The following APBB2 variants were observed in gnomAD, a reference collection of about 807,000 sequenced individuals.
APBB2 encodes amyloid beta precursor protein binding family B member 2, also known as Fe65-like 1.
APBB2 carries 38 observed loss-of-function variants against 82.5 expected under a neutral mutation model. The observed-to-expected ratio is 0.46, with a 90% CI of 0.36 to 0.60. The LOEUF is 0.60. APBB2 is among the 20% of genes least tolerant of loss of function. APBB2 has a pLI of 0.00. For synonymous variants in APBB2, 341 were observed against 368.2 expected, an observed-to-expected ratio of 0.93 and a Z score of 0.85; for missense variants, 772 against 972.3, an observed-to-expected ratio of 0.79 and a Z score of 2.74.
chr4:41,025,165 G>A (rs1713456448), intron 5 of APBB2, among the ~76,000 whole-genome samples: 1 of 151,886 alleles, frequency 6.6e-6, no homozygotes, highest in Non-Finnish European at 1.5e-5. Flanking sequence ...AACCCTATAA[G>A]GAACTTAATT....
intron 6 of APBB2, among the ~76,000 whole-genome samples, chr4:40,963,317 G>A (rs775720531): frequency 1.4e-4 from 21 of 151,942 alleles, no homozygotes; most frequent in Non-Finnish European, 2.9e-4. Context: ...CACAAACATG[G>A]CTCACTGCAG....
intron 3 of APBB2, among the ~76,000 whole-genome samples, chr4:41,076,399 G>A (rs1735661330): frequency 6.6e-6 from 1 of 152,156 alleles, no homozygotes; most frequent in Non-Finnish European, 1.5e-5. Flanking sequence ...GGTTAAGCTT[G>A]AGAAGATCTG....
At chr4:40,898,342 C>T (rs747190813) in intron 10 of APBB2, among the ~76,000 whole-genome samples, 12 of 152,232 alleles carry the variant, frequency 7.9e-5, no homozygotes, top group Non-Finnish European at 1.8e-4. Context: ...CAGCTCACTG[C>T]AACCTCCGTC....
At chr4:41,126,997 C>G (rs1169075641) in intron 2 of APBB2, among the ~76,000 whole-genome samples, 1 of 152,176 alleles carries the variant, frequency 6.6e-6, no homozygotes, top group East Asian at 1.9e-4. Flanking sequence ...GTCCATAACA[C>G]TGTTGGAATC....
chr4:40,862,988 C>G (rs935391157), intron 12 of APBB2, among the ~76,000 whole-genome samples: 2 of 152,004 alleles, frequency 1.3e-5, no homozygotes, highest in African/African-American at 2.4e-5. Flanking sequence ...GTTCAGGGGG[C>G]TGTACATTGA....
chr4:41,030,336 A>G (rs1716251751), intron 5 of APBB2, among the ~76,000 whole-genome samples: 1 of 152,222 alleles, frequency 6.6e-6, no homozygotes, highest in African/African-American at 2.4e-5. Flanking sequence ...GTAAGAATTA[A>G]GACCTTTGGA....
chr4:41,003,944 C>T (rs1303654139), intron 6 of APBB2, among the ~76,000 whole-genome samples: 3 of 152,194 alleles, frequency 2.0e-5, no homozygotes, highest in African/African-American at 4.8e-5. Context: ...AACTCCTGAC[C>T]TCAGGTGATC....
At chr4:40,985,040 C>T (rs1441419635) in intron 6 of APBB2, among the ~76,000 whole-genome samples, 2 of 151,854 alleles carry the variant, frequency 1.3e-5, no homozygotes, top group East Asian at 3.9e-4. Flanking sequence ...CTCATCTCAA[C>T]CTCTCAAGTA....
chr4:41,009,532 T>C (rs1579209210), intron 6 of APBB2, among the ~76,000 whole-genome samples: 1 of 152,340 alleles, frequency 6.6e-6, no homozygotes, highest in East Asian at 1.9e-4. Flanking sequence ...GGTTAGCCAT[T>C]GCATTTTATT....
chr4:40,834,994 A>G (rs1753377751), intron 12 of APBB2, among the ~76,000 whole-genome samples: 1 of 152,240 alleles, frequency 6.6e-6, no homozygotes, highest in African/African-American at 2.4e-5. Flanking sequence ...TCAATTCATT[A>G]AAGTCCGGGC....
chr4:41,117,651 T>C (rs73810830), intron 2 of APBB2, among the ~76,000 whole-genome samples: 1,974 of 152,194 alleles, frequency 0.013, 37 homozygotes, highest in African/African-American at 0.046. Context: ...ATGGGTGACT[T>C]GCCCAAGTCA....
chr4:40,912,169 T>A (rs921908723), intron 10 of APBB2, among the ~76,000 whole-genome samples: 1 of 152,166 alleles, frequency 6.6e-6, no homozygotes, highest in African/African-American at 2.4e-5. Context: ...TGGAAAGACA[T>A]CTTAAATCCA....
intron 6 of APBB2, among the ~76,000 whole-genome samples, chr4:40,987,024 A>G (rs546516606): frequency 8.5e-5 from 13 of 152,358 alleles, no homozygotes; most frequent in African/African-American, 3.1e-4. Context: ...AGCAAAGCCA[A>G]AAATCATATC....
chr4:40,925,385 T>C (rs1782362279), intron 10 of APBB2, among the ~76,000 whole-genome samples: 1 of 152,194 alleles, frequency 6.6e-6, no homozygotes, highest in African/African-American at 2.4e-5. Context: ...ATTTTGCAGA[T>C]GAAGAAACTG....
chr4:40,918,793 T>A (rs1349545487), intron 10 of APBB2, among the ~76,000 whole-genome samples: 1 of 151,662 alleles, frequency 6.6e-6, no homozygotes, highest in African/African-American at 2.4e-5. Flanking sequence ...TTGTTTTTTT[T>A]AACAGAGACA....
intron 12 of APBB2, among the ~76,000 whole-genome samples, chr4:40,875,759 T>C (rs911034395): frequency 6.6e-6 from 1 of 152,148 alleles, no homozygotes; most frequent in African/African-American, 2.4e-5. Flanking sequence ...TGTTAATTTG[T>C]AGAACATTAA....
rs114094545 is a variant in APBB2 at position 41,198,869 on chromosome 4, T to C, written c.-417+15536A>G. On this transcript the variant is annotated intron_variant, in intron 1 of 17. Transcript: ENST00000508593. Reference sequence around the variant, plus strand: ...AGCACAAGTCCAGTCTCTGCCTCCATCTTCGCATGTCTTCCTTCTGTGTGT... The same window carrying C: ...AGCACAAGTCCAGTCTCTGCCTCCACCTTCGCATGTCTTCCTTCTGTGTGT... 3.8e-3 allele frequency among the ~76,000 whole-genome samples: 580 copies of C among 152,320 alleles called. 3 individuals carry two copies. The highest frequency in any genetic ancestry group is 0.013 in the African/African-American group (535 of 41,570).
At chr4:40,886,107 G>T (rs1201012211) in intron 12 of APBB2, among the ~76,000 whole-genome samples, 1 of 152,172 alleles carries the variant, frequency 6.6e-6, no homozygotes, top group Non-Finnish European at 1.5e-5. Context: ...AAGGATCTCT[G>T]TGCCCCTACC....
intron 4 of APBB2, among the ~76,000 whole-genome samples, chr4:41,035,942 T>A (rs1016816721): frequency 6.6e-6 from 1 of 152,284 alleles, no homozygotes; most frequent in Admixed American, 6.5e-5. Flanking sequence ...GAGGACCACC[T>A]GAGCCCAGGA....
Sources: allele counts gnomAD v4.1 joint callset (sites outside exome capture counted in the v4.1 genomes callset), GRCh38; gene constraint gnomAD v4.1.1; transcripts MANE v1.5; gene names NCBI Gene and HGNC (gene_info 2026-07-23, HGNC 2026-07-21).